Variants in DACH1 observed in about 807,000 individuals in gnomAD.
DACH1 encodes dachshund homolog 1.
DACH1 carries 12 observed loss-of-function variants against 54.2 expected under a neutral mutation model. The ratio of observed to expected loss-of-function variants is 0.22; its 90% CI spans 0.14 to 0.36. The LOEUF is 0.36. Among genes scored for constraint, DACH1 ranks in the 10% least tolerant of loss-of-function variants. The probability of loss-of-function intolerance (pLI) is 1.00; values close to 1 mark genes in which losing one functional copy is unlikely to be tolerated. For missense variants in DACH1, 805 were observed against 929.8 expected, an observed-to-expected ratio of 0.87 and a Z score of 1.75; for synonymous variants, 386 against 366.2, an observed-to-expected ratio of 1.05 and a Z score of -0.62.
At chr13:71,626,260 T>C (rs916681495) in intron 3 of DACH1, among the ~76,000 whole-genome samples, 1 of 152,030 alleles carries the variant, frequency 6.6e-6, no homozygotes, top group African/African-American at 2.4e-5. Flanking sequence ...ATGCTCACTA[T>C]GTCAATATTT....
At chr13:71,799,171 G>T (rs1594236385) in intron 1 of DACH1, among the ~76,000 whole-genome samples, 1 of 152,230 alleles carries the variant, frequency 6.6e-6, no homozygotes, top group Non-Finnish European at 1.5e-5. Flanking sequence ...TACAGGCCCA[G>T]AAGTGTTTAT....
At chr13:71,795,064 TAAATA>T (rs1489843351) in intron 1 of DACH1, among the ~76,000 whole-genome samples, 6 of 152,156 alleles carry the variant, frequency 3.9e-5, no homozygotes, top group African/African-American at 1.4e-4. Flanking sequence ...CTGAGTAACA[TAAATA>T]AGAGTATAAA....
At chr13:71,613,317 G>C (rs913705157) in intron 3 of DACH1, among the ~76,000 whole-genome samples, 13 of 152,194 alleles carry the variant, frequency 8.5e-5, no homozygotes, top group Admixed American at 8.5e-4. Context: ...AATAACCCAA[G>C]AGTTTTGAGA....
At chr13:71,631,235 C>T (rs1350264937) in intron 2 of DACH1, among the ~76,000 whole-genome samples, 2 of 152,284 alleles carry the variant, frequency 1.3e-5, no homozygotes, top group East Asian at 1.9e-4. Flanking sequence ...TTCCCTTTTG[C>T]CTGGAACCTT....
intron 1 of DACH1, among the ~76,000 whole-genome samples, chr13:71,816,024 G>T (rs1209364133): frequency 6.6e-6 from 1 of 152,094 alleles, no homozygotes; most frequent in African/African-American, 2.4e-5. Context: ...GGCGGAGCTT[G>T]CAGTGAGCCG....
intron 1 of DACH1, among the ~76,000 whole-genome samples, chr13:71,818,756 A>G (rs909425583): frequency 6.6e-6 from 1 of 152,264 alleles, no homozygotes; most frequent in African/African-American, 2.4e-5. Context: ...TACAGGCATT[A>G]GTTGAAAGTG....
At chr13:71,836,324 T>C (rs910888329) in intron 1 of DACH1, among the ~76,000 whole-genome samples, 3 of 152,072 alleles carry the variant, frequency 2.0e-5, no homozygotes, top group African/African-American at 7.2e-5. Flanking sequence ...GGTTATTATG[T>C]CTCTCACTGT....
At chr13:71,557,842 T>TAA (rs569104411) in intron 5 of DACH1, among the ~76,000 whole-genome samples, 28 of 88,006 alleles carry the variant, frequency 3.2e-4, no homozygotes, top group African/African-American at 1.0e-3. Flanking sequence ...TGGCCTGTAC[T>TAA]AAAAAAAAAA....
At chr13:71,491,722 A>C (rs1185236025) in intron 6 of DACH1, among the ~76,000 whole-genome samples, 1 of 152,188 alleles carries the variant, frequency 6.6e-6, no homozygotes, top group East Asian at 1.9e-4. Flanking sequence ...TGACCCTATT[A>C]TCAGACATAA....
chr13:71,530,534 C>T (rs1882346919), intron 6 of DACH1, among the ~76,000 whole-genome samples: 1 of 152,054 alleles, frequency 6.6e-6, no homozygotes, highest in Admixed American at 6.6e-5. Context: ...TGGCCGAGAA[C>T]CCATAGTGGA....
intron 2 of DACH1, among the ~76,000 whole-genome samples, chr13:71,641,305 C>T (rs1408709035): frequency 1.3e-5 from 2 of 151,988 alleles, no homozygotes; most frequent in East Asian, 3.9e-4. Context: ...ACACAGTATT[C>T]TTTCTAAGTG....
intron 3 of DACH1, among the ~76,000 whole-genome samples, chr13:71,627,402 C>G (rs1057030615): frequency 4.1e-5 from 6 of 146,654 alleles, no homozygotes; most frequent in Non-Finnish European, 8.9e-5. Context: ...CAGGAGAAAA[C>G]AAGAGCCTTG....
chr13:71,748,905 T>C (rs1211434401), intron 1 of DACH1, among the ~76,000 whole-genome samples: 2 of 28,646 alleles, frequency 7.0e-5, no homozygotes, highest in Admixed American at 2.8e-4. Flanking sequence ...TTTCTCTTTC[T>C]TTCTTTCTTT....
chr13:71,839,394 T>G (rs1192343829), intron 1 of DACH1, among the ~76,000 whole-genome samples: 1 of 152,094 alleles, frequency 6.6e-6, no homozygotes. Context: ...GATAATGAGG[T>G]CAGGAGATCA....
At chr13:71,554,546 T>A (rs1030131003) in intron 6 of DACH1, among the ~76,000 whole-genome samples, 1 of 152,160 alleles carries the variant, frequency 6.6e-6, no homozygotes, top group Admixed American at 6.5e-5. Flanking sequence ...CATATAAATG[T>A]GCTTTATGAA....
At chr13:71,610,904 T>C (rs1875280676) in intron 3 of DACH1, among the ~76,000 whole-genome samples, 1 of 152,196 alleles carries the variant, frequency 6.6e-6, no homozygotes, top group Admixed American at 6.5e-5. Context: ...TACGGGCTAA[T>C]GTATTTTTCT....
At chr13:71,830,200 T>C (rs116607688) in intron 1 of DACH1, among the ~76,000 whole-genome samples, 3,803 of 151,822 alleles carry the variant, frequency 0.025, 172 homozygotes, top group African/African-American at 0.086. Flanking sequence ...ATCTGAGAGG[T>C]TGCAATCAAA....
chr13:71,750,664 T>TTTTTAGTTATTA (rs1251488054), intron 1 of DACH1, among the ~76,000 whole-genome samples: 5 of 152,210 alleles, frequency 3.3e-5, no homozygotes, highest in Non-Finnish European at 5.9e-5. Flanking sequence ...CTTTTTGATA[T>TTTTTAGTTATTA]TTTTAGTTAT....
chr13:71,471,557 G>A (rs80266593), intron 10 of DACH1, among the ~76,000 whole-genome samples: 121 of 152,036 alleles, frequency 8.0e-4, no homozygotes, highest in African/African-American at 2.5e-3. Flanking sequence ...TCAGGAGTTC[G>A]AGACCAGCCT....
Sources: gnomAD v4.1 joint callset for allele counts (sites outside exome capture counted in the v4.1 genomes callset) on GRCh38, gnomAD v4.1.1 for gene constraint, MANE v1.5 for transcripts, NCBI Gene and HGNC (gene_info 2026-07-23, HGNC 2026-07-21) for gene names.